The following OSBPL9 variants were observed in gnomAD, a reference collection of about 807,000 sequenced individuals.
The protein encoded by OSBPL9 is oxysterol binding protein like 9.
OSBPL9 carries 40 observed loss-of-function variants against 106.6 expected under a neutral mutation model. That is an observed-to-expected ratio of 0.38 (90% CI 0.29 to 0.49). The LOEUF (loss-of-function observed/expected upper bound fraction) is 0.49. OSBPL9 is among the 20% of genes least tolerant of loss of function. The pLI, the probability that OSBPL9 is intolerant of heterozygous loss-of-function variation, is 0.97. For missense variants in OSBPL9, 609 were observed against 887.2 expected (o/e 0.69, Z 3.98); for synonymous variants, 269 against 295.4 (o/e 0.91, Z 0.92).
intron 3 of OSBPL9, among the ~76,000 whole-genome samples, chr1:51,703,495 A>G (rs1657766693): frequency 1.3e-5 from 2 of 152,164 alleles, no homozygotes; most frequent in Non-Finnish European, 2.9e-5. Flanking sequence ...TTGATTTTGT[A>G]TTCTGAGACT....
intron 3 of OSBPL9, among the ~76,000 whole-genome samples, chr1:51,672,113 A>G (rs1458143511): frequency 6.6e-6 from 1 of 152,194 alleles, no homozygotes; most frequent in Non-Finnish European, 1.5e-5. Flanking sequence ...AAAGGCCATT[A>G]GAAGGTTTTG....
At position 51,617,996 on chromosome 1, in the gene OSBPL9, TTGTGTGTGTG is replaced by T. The variant is rs58221259; in HGVS notation, c.111+794_111+803del. Among the ~76,000 whole-genome samples, 18 of 145,766 alleles carry T rather than the reference TTGTGTGTGTG, an allele frequency of 1.2e-4. No homozygotes were observed. In the East Asian group the frequency reaches 1.8e-3, roughly 15 times the overall value. The stretch of plus-strand genomic sequence containing the variant: ...ATGAATTGCTGTGAATCTTACGTGG[TTGTGTGTGTG>T]TGTGTGTGTGTGTGTGTGGTTTTTT... On this transcript the variant is annotated intron_variant, in intron 1 of 23. Coordinates refer to ENST00000428468, the MANE Select transcript of OSBPL9 (RefSeq NM_024586.6).
intron 2 of OSBPL9, among the ~76,000 whole-genome samples, chr1:51,652,495 A>AT (rs1168456400): frequency 6.6e-6 from 1 of 152,220 alleles, no homozygotes; most frequent in African/African-American, 2.4e-5. Context: ...ATAATTTAAG[A>AT]TTTTCTAGTA....
upstream of OSBPL9, among the ~76,000 whole-genome samples, chr1:51,613,745 T>G (rs575653319): frequency 6.6e-6 from 1 of 151,848 alleles, no homozygotes; most frequent in Admixed American, 6.6e-5. Flanking sequence ...CTTTTCTTTT[T>G]TTTTTTTTTG....
intron 3 of OSBPL9, among the ~76,000 whole-genome samples, chr1:51,682,962 C>T (rs763950140): frequency 4.9e-4 from 75 of 151,570 alleles, no homozygotes; most frequent in Non-Finnish European, 1.0e-3. Flanking sequence ...CTGCAGCCTC[C>T]GCCTCCCAGG....
chr1:51,650,406 A>AG (rs1189938615), intron 1 of OSBPL9, among the ~76,000 whole-genome samples: 1 of 152,186 alleles, frequency 6.6e-6, no homozygotes, highest in East Asian at 1.9e-4. Flanking sequence ...TTACACTTGA[A>AG]GGGAAGATAA....
the OSBPL9 span, among the ~76,000 whole-genome samples, chr1:51,546,965 TC>T: frequency 2.6e-5 from 4 of 152,290 alleles, no homozygotes; most frequent in East Asian, 7.7e-4. Flanking sequence ...CAACGTACTA[TC>T]CTTTTACATC....
intron 4 of OSBPL9, among the ~76,000 whole-genome samples, chr1:51,742,548 A>ATGTT (rs1667153374): frequency 6.6e-6 from 1 of 150,936 alleles, no homozygotes; most frequent in Non-Finnish European, 1.5e-5. Context: ...CTTGCAACAT[A>ATGTT]GCAAGACCCT....
intron 2 of OSBPL9, among the ~76,000 whole-genome samples, chr1:51,610,609 A>T (rs1643980990): frequency 6.6e-6 from 1 of 152,202 alleles, no homozygotes; most frequent in South Asian, 2.1e-4. Context: ...TTAGCTGGAG[A>T]AGCTACTTTT....
At chr1:51,663,136 A>G (rs767441157) in intron 2 of OSBPL9, among the ~76,000 whole-genome samples, 1 of 152,184 alleles carries the variant, frequency 6.6e-6, no homozygotes, top group Non-Finnish European at 1.5e-5. Flanking sequence ...AAAGCATCAA[A>G]TTTTTAGGAA....
chr1:51,613,041 G>A (rs1468093272), upstream of OSBPL9, among the ~76,000 whole-genome samples: 2 of 152,200 alleles, frequency 1.3e-5, no homozygotes, highest in Non-Finnish European at 2.9e-5. Flanking sequence ...AACTCATGGA[G>A]TTTAGCACAA....
intron 3 of OSBPL9, among the ~76,000 whole-genome samples, chr1:51,708,615 G>A (rs562094694): frequency 8.3e-4 from 126 of 152,126 alleles, no homozygotes; most frequent in African/African-American, 2.8e-3. Context: ...TAATTAGCAC[G>A]TTTACTTCAC....
intron 4 of OSBPL9, among the ~76,000 whole-genome samples, chr1:51,714,946 G>A (rs1660755618): frequency 6.6e-6 from 1 of 152,196 alleles, no homozygotes; most frequent in African/African-American, 2.4e-5. Context: ...GGGAAAAACA[G>A]ATGTTGGGTG....
At chr1:51,659,230 T>C (rs1646994710) in intron 2 of OSBPL9, among the ~76,000 whole-genome samples, 1 of 152,114 alleles carries the variant, frequency 6.6e-6, no homozygotes. Flanking sequence ...CAGTATCACA[T>C]AGATAACATT....
intron 2 of OSBPL9, among the ~76,000 whole-genome samples, chr1:51,599,145 C>T (rs979027438): frequency 1.3e-5 from 2 of 152,070 alleles, no homozygotes; most frequent in African/African-American, 4.8e-5. Flanking sequence ...CCCAGGAGGT[C>T]GAGGCTGCAG....
intron 1 of OSBPL9, among the ~76,000 whole-genome samples, chr1:51,593,906 A>T (rs909368456): frequency 8.2e-6 from 1 of 122,618 alleles, no homozygotes; most frequent in African/African-American, 3.0e-5. Context: ...ATCAGATTTC[A>T]CACACACACA....
chr1:51,587,682 C>T lies in OSBPL9; in HGVS notation c.-423+10426C>T, dbSNP rs560412079. On this transcript the variant is annotated intron_variant, in intron 1 of 25. Transcript: ENST00000371714. The stretch of plus-strand genomic sequence containing the variant: ...CTTCTCAACCCCCTTGCCTGTTTAC[C>T]TTTCTGCAAAACCCCCACCTTGTGT... Among the ~76,000 whole-genome samples the T allele has an allele frequency of 7.2e-5, 11 of 152,318 alleles. No homozygotes were observed. The East Asian group carries it at 2.1e-3, about 29-fold the overall frequency.
chr1:51,521,797 A>T, the OSBPL9 span, among the ~76,000 whole-genome samples: 2 of 152,130 alleles, frequency 1.3e-5, no homozygotes, highest in Non-Finnish European at 2.9e-5. Flanking sequence ...TCACTCTGTC[A>T]CCCAGGCTGG....
intron 4 of OSBPL9, among the ~76,000 whole-genome samples, chr1:51,732,212 G>A (rs1472838514): frequency 6.6e-6 from 1 of 152,190 alleles, no homozygotes; most frequent in African/African-American, 2.4e-5. Context: ...TTTGCACGCT[G>A]TTGATTAAGA....
Sources: allele counts gnomAD v4.1 joint callset (sites outside exome capture counted in the v4.1 genomes callset), GRCh38; gene constraint gnomAD v4.1.1; transcripts MANE v1.5; gene names NCBI Gene and HGNC (gene_info 2026-07-23, HGNC 2026-07-21).